Variants in ZDHHC14 observed in about 807,000 individuals in gnomAD.
ZDHHC14 encodes palmitoyltransferase ZDHHC14.
ZDHHC14 carries 16 observed loss-of-function variants against 47.7 expected under a neutral mutation model. The ratio of observed to expected loss-of-function variants is 0.34; its 90% CI spans 0.23 to 0.51. ZDHHC14 has a LOEUF of 0.51. Among genes scored for constraint, ZDHHC14 ranks in the 20% least tolerant of loss-of-function variants. ZDHHC14 has a pLI of 0.97. For missense variants in ZDHHC14, 515 were observed against 662.5 expected, an observed-to-expected ratio of 0.78 and a Z score of 2.44; for synonymous variants, 293 against 278.9, an observed-to-expected ratio of 1.05 and a Z score of -0.50.
At chr6:157,626,512 A>AT (rs567332662) in intron 3 of ZDHHC14, among the ~76,000 whole-genome samples, 13 of 151,956 alleles carry the variant, frequency 8.6e-5, no homozygotes, top group African/African-American at 2.7e-4. Flanking sequence ...TAAACACTTA[A>AT]TTTTTTTTAG....
At chr6:157,604,748 T>C (rs142934063) in intron 3 of ZDHHC14, among the ~76,000 whole-genome samples, 3,845 of 152,242 alleles carry the variant, frequency 0.025, 183 homozygotes, top group African/African-American at 0.088. Context: ...TTCACCATAT[T>C]GGTCAGGCTG....
intron 1 of ZDHHC14, among the ~76,000 whole-genome samples, chr6:157,512,973 A>G (rs1423676659): frequency 2.6e-5 from 4 of 152,264 alleles, no homozygotes; most frequent in Non-Finnish European, 5.9e-5. Context: ...GAACCCAGAC[A>G]TGAAACAAAA....
intron 1 of ZDHHC14, among the ~76,000 whole-genome samples, chr6:157,538,776 G>A (rs1415839949): frequency 2.0e-5 from 3 of 152,240 alleles, no homozygotes; most frequent in Non-Finnish European, 4.4e-5. Context: ...GCGGTATTGA[G>A]CTGGAACTGG....
At chr6:157,522,831 CCCTCCCTTCCTTCCTTCCTTTCCTCCCT>C (rs1780986968) in intron 1 of ZDHHC14, among the ~76,000 whole-genome samples, 1 of 26,202 alleles carries the variant, frequency 3.8e-5, no homozygotes, top group African/African-American at 3.7e-4. Context: ...CTCCCTCCCT[CCCTCCCTTCCTTCCTTCCTTTCCTCCCT>C]TCTTCCCTTG....
chr6:157,672,655 ATCCCTGTCCCTCC>A, intron 8 of ZDHHC14, 56 bp from the exon 9 acceptor site: 1 of 259,528 alleles, frequency 3.9e-6, no homozygotes, highest in Non-Finnish European at 6.6e-6. Context: ...CCCTGTCCCC[ATCCCTGTCCCTCC>A]CCACCTCTGC....
At chr6:157,602,991 T>C (rs1182461101) in intron 3 of ZDHHC14, among the ~76,000 whole-genome samples, 1 of 152,226 alleles carries the variant, frequency 6.6e-6, no homozygotes, top group Non-Finnish European at 1.5e-5. Flanking sequence ...CCTTTGCTAG[T>C]CACTGAGCTC....
chr6:157,489,604 A>T (rs1779865399), intron 1 of ZDHHC14, among the ~76,000 whole-genome samples: 1 of 152,142 alleles, frequency 6.6e-6, no homozygotes, highest in African/African-American at 2.4e-5. Flanking sequence ...GAGAGGCTGA[A>T]TTAGATATGT....
At chr6:157,650,219 C>A (rs1777760918) in intron 7 of ZDHHC14, among the ~76,000 whole-genome samples, 1 of 152,154 alleles carries the variant, frequency 6.6e-6, no homozygotes, top group Admixed American at 6.5e-5. Context: ...GTGAACTCTC[C>A]CAAGGGTGAG....
chr6:157,418,120 A>G (rs1435721309), intron 1 of ZDHHC14, among the ~76,000 whole-genome samples: 1 of 152,140 alleles, frequency 6.6e-6, no homozygotes, highest in Non-Finnish European at 1.5e-5. Context: ...TCCAGACCTG[A>G]CATCAGGAAA....
intron 1 of ZDHHC14, among the ~76,000 whole-genome samples, chr6:157,438,819 G>C (rs1282342886): frequency 1.3e-5 from 2 of 152,204 alleles, no homozygotes; most frequent in Admixed American, 1.3e-4. Context: ...AGCAGTTGGA[G>C]CTAGAGCTGT....
At chr6:157,537,889 G>A (rs1182803151) in intron 1 of ZDHHC14, among the ~76,000 whole-genome samples, 2 of 152,222 alleles carry the variant, frequency 1.3e-5, no homozygotes, top group African/African-American at 4.8e-5. Flanking sequence ...TGGGTCAACT[G>A]GGATGTCCCA....
At chr6:157,558,962 A>T (rs979012300) in intron 2 of ZDHHC14, among the ~76,000 whole-genome samples, 10 of 152,130 alleles carry the variant, frequency 6.6e-5, no homozygotes, top group African/African-American at 2.2e-4. Flanking sequence ...AATACAAATG[A>T]AAGTGAGCCC....
Position 157,673,225 on chromosome 6 carries a change from T to G in ZDHHC14, c.*103T>G, listed in dbSNP as rs1458142008. ...GCGACTTTCCCAGCCAATGCCACGG[T>G]GGAGATGACAGCCCCAGGTCTGGGG... is the stretch of plus-strand genomic sequence containing the variant. On this transcript the variant is annotated 3_prime_UTR_variant, in exon 9 of 9. Transcript: ENST00000359775. This position sits in a 1 kb window ranked among gnomAD's most constrained non-coding sequence, Gnocchi z 5.4. 4.9e-6 allele frequency: 7 copies of G among 1,417,310 alleles called. No individual in the cohort carries two copies. The highest frequency in any genetic ancestry group is 6.0e-5 in the Admixed American group (2 of 33,460). The allele number at this position is 1,417,310 out of a possible 1,614,324, so 87.8% of individuals were successfully genotyped here.
At chr6:157,648,092 C>T (rs1226488958) in intron 7 of ZDHHC14, among the ~76,000 whole-genome samples, 1 of 152,198 alleles carries the variant, frequency 6.6e-6, no homozygotes, top group Non-Finnish European at 1.5e-5. Flanking sequence ...CCAGTATGTG[C>T]CCACTGAGGC....
intron 2 of ZDHHC14, among the ~76,000 whole-genome samples, chr6:157,583,737 G>A (rs1783594925): frequency 6.6e-6 from 1 of 152,226 alleles, no homozygotes; most frequent in African/African-American, 2.4e-5. Flanking sequence ...TCTCGGCTTG[G>A]CACTCCCAGG....
intron 1 of ZDHHC14, among the ~76,000 whole-genome samples, chr6:157,386,193 G>A (rs1207958791): frequency 1.3e-5 from 2 of 152,058 alleles, no homozygotes; most frequent in Non-Finnish European, 2.9e-5. Context: ...AAAAGCTCAC[G>A]ACTGTGCAGT....
intron 1 of ZDHHC14, among the ~76,000 whole-genome samples, chr6:157,433,798 A>G (rs1778388090): frequency 6.6e-6 from 1 of 152,226 alleles, no homozygotes; most frequent in Admixed American, 6.5e-5. Context: ...TGGAGACTTT[A>G]TCAAACAGTG....
intron 1 of ZDHHC14, among the ~76,000 whole-genome samples, chr6:157,386,156 T>C (rs1371154637): frequency 6.6e-6 from 1 of 152,062 alleles, no homozygotes; most frequent in African/African-American, 2.4e-5. Flanking sequence ...AGGGAACATG[T>C]AGGTTAAGAA....
At chr6:157,479,973 G>A (rs890180579) in intron 1 of ZDHHC14, among the ~76,000 whole-genome samples, 1 of 152,198 alleles carries the variant, frequency 6.6e-6, no homozygotes, top group African/African-American at 2.4e-5. Flanking sequence ...AGGGGAAGCT[G>A]CCAGGATCCT....
Sources: allele counts gnomAD v4.1 joint callset (sites outside exome capture counted in the v4.1 genomes callset), GRCh38; gene constraint gnomAD v4.1.1; non-coding constraint Gnocchi (gnomAD v3.1); transcripts MANE v1.5; gene names NCBI Gene and HGNC (gene_info 2026-07-23, HGNC 2026-07-21).